YARS1: variants seen among roughly 807,000 people sequenced by gnomAD.
YARS1 encodes tyrosine--tRNA ligase, cytoplasmic.
Under a neutral mutation model 62.2 loss-of-function variants are expected in YARS1, and 36 were observed. The observed-to-expected ratio is 0.58, with a 90% CI of 0.44 to 0.76. The LOEUF (loss-of-function observed/expected upper bound fraction) is 0.76. YARS1 is among the 30% of genes least tolerant of loss of function. YARS1 has a pLI of 0.00. For missense variants in YARS1, 524 were observed against 639.8 expected (o/e 0.82, Z 1.95); for synonymous variants, 234 against 244.9 (o/e 0.96, Z 0.42).
intron 7 of YARS1, 150 bp from the exon 8 acceptor site, chr1:32,786,597 G>A: frequency 1.2e-6 from 1 of 839,286 alleles, no homozygotes. Flanking sequence ...AATTGGATGA[G>A]TGGCACTATT....
intron 4 of YARS1, among the ~76,000 whole-genome samples, chr1:32,804,656 C>G (rs1638404669): frequency 6.6e-6 from 1 of 151,338 alleles, no homozygotes; most frequent in East Asian, 2.0e-4. Flanking sequence ...CAGAGGTGCT[C>G]CCCACATCTG....
At chr1:32,810,329 G>A (rs1171573730) in intron 3 of YARS1, among the ~76,000 whole-genome samples, 3 of 152,182 alleles carry the variant, frequency 2.0e-5, no homozygotes, top group Non-Finnish European at 4.4e-5. Flanking sequence ...TATGCTGTGA[G>A]TTCTGCAAGG....
At chr1:32,796,646 A>ATGAG (rs948537228) in intron 5 of YARS1, among the ~76,000 whole-genome samples, 7 of 151,662 alleles carry the variant, frequency 4.6e-5, no homozygotes, top group Non-Finnish European at 8.8e-5. Context: ...TACAGGCATG[A>ATGAG]GCCACAGTGC....
chr1:32,781,999 TTGGGTAGAGACTGGG>T, intron 9 of YARS1: 13 of 170,268 alleles, frequency 7.6e-5, no homozygotes, highest in South Asian at 4.2e-4. Context: ...TTTTTTTTTT[TTGGGTAGAGACTGGG>T]TTTTGGTCTC....
chr1:32,788,806 A>G (rs528916961), intron 6 of YARS1, among the ~76,000 whole-genome samples: 1 of 151,356 alleles, frequency 6.6e-6, no homozygotes, highest in East Asian at 2.0e-4. Context: ...GCCTCTAGCA[A>G]TCCTCCTGCC....
chr1:32,799,964 T>G (rs778125997), intron 4 of YARS1, among the ~76,000 whole-genome samples: 1 of 151,974 alleles, frequency 6.6e-6, no homozygotes, highest in Non-Finnish European at 1.5e-5. Flanking sequence ...CAGCCAACAG[T>G]GCAGAACTAG....
At position 32,792,529 on chromosome 1, in the gene YARS1, C is replaced by G. The variant is rs145153742; in HGVS notation, c.592-1275G>C. Among the ~76,000 whole-genome samples the G allele has an allele frequency of 2.3e-3, 344 of 151,810 alleles. 1 individual carries two copies. Among genetic ancestry groups the G allele is most frequent in the African/African-American group, 7.8e-3 (323 of 41,414 alleles). Reference sequence around the variant, plus strand: ...TGACAGTTAAAATAGCCAATAGAAGCAGATTCAGAAACAATCCAGATATTG... The same window carrying G: ...TGACAGTTAAAATAGCCAATAGAAGGAGATTCAGAAACAATCCAGATATTG... On this transcript the variant is annotated intron_variant, in intron 5 of 12. Coordinates refer to ENST00000373477, the MANE Select transcript of YARS1 (RefSeq NM_003680.4).
At chr1:32,809,524 C>A (rs1344356456) in intron 3 of YARS1, among the ~76,000 whole-genome samples, 1 of 152,130 alleles carries the variant, frequency 6.6e-6, no homozygotes, top group Non-Finnish European at 1.5e-5. Context: ...ATGTGAGCCA[C>A]CCTGCCCAGC....
At chr1:32,800,977 T>C (rs1475406956) in intron 4 of YARS1, among the ~76,000 whole-genome samples, 2 of 152,156 alleles carry the variant, frequency 1.3e-5, no homozygotes, top group East Asian at 1.9e-4. Context: ...TAACAGAAAA[T>C]AGGATCATGC....
At position 32,777,032 on chromosome 1, in the gene YARS1, A is replaced by ATTT. The variant is rs34834736; in HGVS notation, c.1477-944_1477-942dup. Among the ~76,000 whole-genome samples, 676 of 143,720 alleles carry ATTT rather than the reference A, an allele frequency of 4.7e-3. 8 individuals are homozygous for ATTT. The highest frequency in any genetic ancestry group is 0.016 in the African/African-American group (617 of 39,488). The allele number at this position is 143,720 out of a possible 152,430, so 94.3% of individuals were successfully genotyped here. On this transcript the variant is annotated intron_variant, in intron 12 of 12. Transcript: ENST00000373477. ...GAATACTATACAGTGCAACCCCTCAATTTTTTTTTTTTTTGGGATGGAGTT... is the reference window on the plus strand; with the variant it reads ...GAATACTATACAGTGCAACCCCTCAATTTTTTTTTTTTTTTTTGGGATGGAGTT...
At chr1:32,801,471 A>G (rs1256243617) in intron 4 of YARS1, among the ~76,000 whole-genome samples, 1 of 152,248 alleles carries the variant, frequency 6.6e-6, no homozygotes, top group Non-Finnish European at 1.5e-5. Context: ...CTGAGCCTTC[A>G]GCAAGTCATA....
chr1:32,786,835 G>T (rs41265863), intron 7 of YARS1, 105 bp downstream of exon 7: 21,194 of 1,461,490 alleles, frequency 0.015, 212 homozygotes, highest in Non-Finnish European at 0.017. Context: ...GAGAATCAGG[G>T]CAGCCAGTCC....
At chr1:32,793,037 G>T (rs1226926497) in intron 5 of YARS1, among the ~76,000 whole-genome samples, 1 of 151,942 alleles carries the variant, frequency 6.6e-6, no homozygotes, top group Admixed American at 6.6e-5. Flanking sequence ...TCTATAAAAA[G>T]AATCAAATGG....
At chr1:32,785,234 C>T (rs181846054) in intron 8 of YARS1, among the ~76,000 whole-genome samples, 283 of 152,196 alleles carry the variant, frequency 1.9e-3, no homozygotes, top group African/African-American at 6.4e-3. Flanking sequence ...CCGAGGCAGG[C>T]GGATCACCTG....
At chr1:32,808,298 C>A (rs1638507996) in intron 3 of YARS1, among the ~76,000 whole-genome samples, 1 of 151,624 alleles carries the variant, frequency 6.6e-6, no homozygotes, top group Non-Finnish European at 1.5e-5. Context: ...CGGCTCACCA[C>A]AACCTCTGCC....
At chr1:32,797,469 A>G in intron 5 of YARS1, 2 of 470,740 alleles carry the variant, frequency 4.2e-6, no homozygotes, top group South Asian at 4.8e-5. Flanking sequence ...CTCCTTGGAA[A>G]CTGGGCTATT....
At chr1:32,790,871 T>C (rs1388268698) in intron 6 of YARS1, 3 of 394,218 alleles carry the variant, frequency 7.6e-6, no homozygotes, top group Non-Finnish European at 9.5e-6. Flanking sequence ...AATGCAACCA[T>C]AGTGCTCTCA....
chr1:32,802,306 C>T (rs1638322002), intron 4 of YARS1, among the ~76,000 whole-genome samples: 1 of 152,068 alleles, frequency 6.6e-6, no homozygotes, highest in African/African-American at 2.4e-5. Context: ...TCTTGAACCC[C>T]TCAAAGTCAC....
At chr1:32,788,257 AT>A (rs1011018901) in intron 6 of YARS1, among the ~76,000 whole-genome samples, 23 of 151,742 alleles carry the variant, frequency 1.5e-4, no homozygotes, top group African/African-American at 5.6e-4. Flanking sequence ...CTTACTTACA[AT>A]TTTTTTTCTT....
Sources: gnomAD v4.1 joint callset for allele counts (sites outside exome capture counted in the v4.1 genomes callset) on GRCh38, gnomAD v4.1.1 for gene constraint, MANE v1.5 for transcripts, NCBI Gene and HGNC (gene_info 2026-07-23, HGNC 2026-07-21) for gene names.